The following YEATS2 variants were observed in gnomAD, a reference collection of about 807,000 sequenced individuals.
YEATS2 encodes YEATS domain-containing protein 2.
YEATS2 carries 77 observed loss-of-function variants against 163.2 expected under a neutral mutation model. The observed-to-expected ratio is 0.47, with a 90% CI of 0.39 to 0.57. The LOEUF (loss-of-function observed/expected upper bound fraction) is 0.57. Ranked by LOEUF, YEATS2 falls within the 20% of genes least tolerant of loss-of-function variation. The pLI, the probability that YEATS2 is intolerant of heterozygous loss-of-function variation, is 0.00. For missense variants in YEATS2, 1,549 were observed against 1,729.8 expected, an observed-to-expected ratio of 0.90 and a Z score of 1.85; for synonymous variants, 631 against 645.1, an observed-to-expected ratio of 0.98 and a Z score of 0.33.
intron 1 of YEATS2, among the ~76,000 whole-genome samples, chr3:183,704,635 C>CTT (rs1242259842): frequency 1.4e-5 from 2 of 146,142 alleles, no homozygotes; most frequent in African/African-American, 5.0e-5. Flanking sequence ...ATTTTATGAA[C>CTT]TTTTTTTTTT....
intron 21 of YEATS2, among the ~76,000 whole-genome samples, chr3:183,792,308 C>T (rs564502261): frequency 1.3e-5 from 2 of 152,034 alleles, no homozygotes; most frequent in Admixed American, 6.6e-5. Flanking sequence ...CCCGCACCCC[C>T]CAACAGGCCA....
chr3:183,725,961 T>A (rs1717049889), intron 6 of YEATS2, among the ~76,000 whole-genome samples: 1 of 152,222 alleles, frequency 6.6e-6, no homozygotes, highest in Admixed American at 6.5e-5. Context: ...GAGGTTTGTA[T>A]CTAACAAGTC....
At chr3:183,700,770 C>CAA (rs774835127) in intron 1 of YEATS2, among the ~76,000 whole-genome samples, 81 of 37,144 alleles carry the variant, frequency 2.2e-3, no homozygotes, top group African/African-American at 3.1e-3. Flanking sequence ...GACTTCGTCT[C>CAA]AAAAAAAAAA....
chr3:183,716,972 C>T (rs1307542667), intron 2 of YEATS2, among the ~76,000 whole-genome samples: 1 of 151,758 alleles, frequency 6.6e-6, no homozygotes, highest in African/African-American at 2.4e-5. Context: ...GGCTCACTGC[C>T]ACCTCTGCCT....
chr3:183,718,892 A>G (rs1716199944), intron 4 of YEATS2, among the ~76,000 whole-genome samples: 1 of 151,842 alleles, frequency 6.6e-6, no homozygotes, highest in South Asian at 2.1e-4. Context: ...ACGAGGTTTC[A>G]CCATTTTGAC....
At chr3:183,700,968 G>C (rs752303738) in intron 1 of YEATS2, among the ~76,000 whole-genome samples, 5 of 151,814 alleles carry the variant, frequency 3.3e-5, no homozygotes, top group African/African-American at 4.8e-5. Flanking sequence ...TATGGAATTA[G>C]ATAGTGGTGA....
chr3:183,771,365 T>C (rs1373375478), intron 15 of YEATS2, among the ~76,000 whole-genome samples: 2 of 152,162 alleles, frequency 1.3e-5, no homozygotes. Flanking sequence ...GAAACACTGC[T>C]CCAGTTTGCC....
intron 6 of YEATS2, among the ~76,000 whole-genome samples, chr3:183,725,038 G>A (rs939258134): frequency 1.5e-5 from 2 of 132,470 alleles, no homozygotes; most frequent in African/African-American, 5.6e-5. Context: ...CCACCGTGCC[G>A]GCCTTTTTTT....
At chr3:183,775,435 A>C (rs1722885508) in intron 17 of YEATS2, among the ~76,000 whole-genome samples, 1 of 152,128 alleles carries the variant, frequency 6.6e-6, no homozygotes. Flanking sequence ...CTCTCTACTA[A>C]AAATACAAAA....
chr3:183,761,412 A>C, intron 13 of YEATS2, 95 bp from the exon 14 acceptor site: 5 of 1,159,240 alleles, frequency 4.3e-6, no homozygotes, highest in Non-Finnish European at 5.1e-6. Context: ...TTATATTGCT[A>C]GAGAATGTCA....
chr3:183,804,272 T>C, intron 27 of YEATS2, 84 bp downstream of exon 27: 2 of 1,534,698 alleles, frequency 1.3e-6, no homozygotes, highest in Non-Finnish European at 1.8e-6. Flanking sequence ...CTTGGAAGAG[T>C]TGCTGTAGAG....
At chr3:183,732,571 G>GT (rs1012072200) in intron 7 of YEATS2, among the ~76,000 whole-genome samples, 112 of 151,646 alleles carry the variant, frequency 7.4e-4, no homozygotes, top group African/African-American at 2.5e-3. Flanking sequence ...TTATTTTTAT[G>GT]TTTTTTGAGA....
rs1209550902 is a variant in YEATS2, at chr3:183,807,135, A to G, written c.4011+43A>G. 4.5e-6 allele frequency: 7 copies of G among 1,547,570 alleles called. No homozygotes were observed. The South Asian group carries it at 7.0e-5, about 15-fold the overall frequency. ...AATAGTTCATGCAGCAGACCAGCTC[A>G]GAGCTAGATGTTCAGACGTTCAGCT... On this transcript the variant is annotated intron_variant, in intron 28 of 30. Coordinates refer to ENST00000305135, the MANE Select transcript of YEATS2 (RefSeq NM_018023.5).
chr3:183,732,570 T>C (rs536549036), intron 7 of YEATS2, among the ~76,000 whole-genome samples: 5 of 152,218 alleles, frequency 3.3e-5, no homozygotes, highest in African/African-American at 1.2e-4. Context: ...TTTATTTTTA[T>C]GTTTTTTGAG....
intron 11 of YEATS2, among the ~76,000 whole-genome samples, chr3:183,755,029 A>G (rs557821003): frequency 3.7e-4 from 56 of 152,318 alleles, no homozygotes; most frequent in African/African-American, 1.3e-3. Flanking sequence ...AAGGGGGGAA[A>G]AAAAGAATGT....
intron 8 of YEATS2, 96 bp from the exon 9 acceptor site, chr3:183,747,576 A>G (rs1719679038): frequency 5.2e-6 from 5 of 962,290 alleles, no homozygotes; most frequent in Admixed American, 2.1e-5. Flanking sequence ...TATGGTATGA[A>G]GACTTGCAAA....
chr3:183,740,365 A>G (rs761801346), intron 8 of YEATS2, among the ~76,000 whole-genome samples: 3 of 152,234 alleles, frequency 2.0e-5, no homozygotes, highest in Non-Finnish European at 4.4e-5. Context: ...GTTCATCATC[A>G]CTGGTCATCA....
At chr3:183,731,881 C>T (rs866645415) in intron 7 of YEATS2, among the ~76,000 whole-genome samples, 3 of 152,266 alleles carry the variant, frequency 2.0e-5, no homozygotes, top group Middle Eastern at 6.8e-3. Context: ...CACAGCCTGG[C>T]GGCACACACC....
intron 19 of YEATS2, among the ~76,000 whole-genome samples, chr3:183,778,111 CAAAAAAA>C (rs569250141): frequency 1.2e-4 from 7 of 56,410 alleles, no homozygotes; most frequent in African/African-American, 1.9e-4. Flanking sequence ...GATTCTGTCT[CAAAAAAA>C]AAAAAAAAAA....
Sources: allele counts gnomAD v4.1 joint callset (sites outside exome capture counted in the v4.1 genomes callset), GRCh38; gene constraint gnomAD v4.1.1; transcripts MANE v1.5; gene names NCBI Gene and HGNC (gene_info 2026-07-23, HGNC 2026-07-21).